Variants in CCPG1 observed in about 807,000 individuals in gnomAD.
The protein encoded by CCPG1 is cell cycle progression 1, also known as cell cycle progression protein 1.
Under a neutral mutation model 81.3 loss-of-function variants are expected in CCPG1, and 46 were observed. The ratio of observed to expected loss-of-function variants is 0.57; its 90% CI spans 0.45 to 0.72. The LOEUF (loss-of-function observed/expected upper bound fraction) is 0.72, where lower values mean the gene tolerates loss of function less well. Among genes scored for constraint, CCPG1 ranks in the 30% least tolerant of loss-of-function variants. The pLI, the probability that CCPG1 is intolerant of heterozygous loss-of-function variation, is 0.00. For synonymous variants in CCPG1, 330 were observed against 305.2 expected, an observed-to-expected ratio of 1.08 and a Z score of -0.85; for missense variants, 902 against 937.6, an observed-to-expected ratio of 0.96 and a Z score of 0.50.
chr15:55,384,472 C>A (rs979883549), intron 3 of CCPG1, among the ~76,000 whole-genome samples: 2 of 152,084 alleles, frequency 1.3e-5, no homozygotes, highest in African/African-American at 4.8e-5. Context: ...CCAGGCTAAC[C>A]AACATGATGA....
intron 6 of CCPG1, 132 bp downstream of exon 6, chr15:55,371,661 C>T: frequency 2.3e-6 from 2 of 853,604 alleles, no homozygotes; most frequent in Non-Finnish European, 3.5e-6. Context: ...AAAACTGAGG[C>T]TCAAACAGGC....
chr15:55,371,010 G>A (rs1223735999), intron 6 of CCPG1, among the ~76,000 whole-genome samples: 10 of 152,098 alleles, frequency 6.6e-5, no homozygotes, highest in Admixed American at 6.6e-4. Flanking sequence ...TTACTCCGGA[G>A]GCTGAGGTAG....
chr15:55,358,225 G>C, intron 8 of CCPG1: 2 of 319,826 alleles, frequency 6.3e-6, no homozygotes, highest in Non-Finnish European at 9.0e-6. Flanking sequence ...AAGATCTATA[G>C]TAAGAACAAA....
chr15:55,377,182 TCAA>T (rs2056584203), intron 4 of CCPG1, 32 bp from the exon 5 acceptor site: 1 of 1,473,068 alleles, frequency 6.8e-7, no homozygotes. Context: ...GATGGTAAGT[TCAA>T]CAATCATTTA....
chr15:55,393,305 T>TGGCC (rs2056958426), intron 1 of CCPG1, among the ~76,000 whole-genome samples: 1 of 152,022 alleles, frequency 6.6e-6, no homozygotes, highest in African/African-American at 2.4e-5. Context: ...CAGGACATGG[T>TGGCC]GGCCCACACC....
intron 1 of CCPG1, among the ~76,000 whole-genome samples, chr15:55,394,883 C>CCTG (rs1315000042): frequency 3.9e-5 from 6 of 152,088 alleles, no homozygotes; most frequent in Non-Finnish European, 7.4e-5. Context: ...TAACTGACCA[C>CCTG]CTGCTGCCTG....
chr15:55,378,758 G>A (rs1018375124), intron 3 of CCPG1, among the ~76,000 whole-genome samples: 11 of 151,664 alleles, frequency 7.3e-5, no homozygotes, highest in African/African-American at 2.2e-4. Flanking sequence ...CATACGCCAC[G>A]GCTAATTTTT....
chr15:55,403,912 C>T lies in CCPG1; in HGVS notation c.-10+4309G>A, dbSNP rs1333373595. On this transcript the variant is annotated intron_variant, in intron 1 of 8. Transcript: ENST00000442196. ...ATGTTCTTAACATGTTCAAAAACTACTACTTCCATGATTTTAGCAGTTCAT... is the reference window on the plus strand; with the variant it reads ...ATGTTCTTAACATGTTCAAAAACTATTACTTCCATGATTTTAGCAGTTCAT... Among the ~76,000 whole-genome samples the T allele has an allele frequency of 2.6e-5, 4 of 152,216 alleles. No individual in the cohort carries two copies. The South Asian group carries it at 6.2e-4, about 24-fold the overall frequency.
At chr15:55,393,235 G>A (rs1330389550) in intron 1 of CCPG1, among the ~76,000 whole-genome samples, 2 of 152,180 alleles carry the variant, frequency 1.3e-5, no homozygotes, top group African/African-American at 2.4e-5. Flanking sequence ...AGGCGTTCAA[G>A]ACCAGGCTGG....
chr15:55,358,711 T>G (rs760320904), intron 8 of CCPG1: 1 of 985,452 alleles, frequency 1.0e-6, no homozygotes, highest in Non-Finnish European at 1.2e-6. Flanking sequence ...TTAATTTCAT[T>G]TATTTACTTA....
At position 55,365,843 on chromosome 15, in the gene CCPG1, G is replaced by A. The variant is rs367890280; in HGVS notation, c.707-534C>T. ...ACAGTGGCTCACGCCTGTAATCCCA[G>A]CACATTGGGAGGCCAAGGCAGGTAG... On this transcript the variant is annotated intron_variant, in intron 6 of 8. Transcript: ENST00000442196. Among the ~76,000 whole-genome samples, 294 of 151,994 alleles carry A rather than the reference G, an allele frequency of 1.9e-3. 1 individual carries two copies. The highest frequency in any genetic ancestry group is 6.8e-3 in the Middle Eastern group (2 of 292).
At chr15:55,357,520 G>T in intron 8 of CCPG1, 1 of 752,390 alleles carries the variant, frequency 1.3e-6, no homozygotes. Context: ...GTCAACTGTG[G>T]TCTGAAAATG....
chr15:55,361,978 C>G (rs1304056782), intron 7 of CCPG1, among the ~76,000 whole-genome samples: 1 of 152,098 alleles, frequency 6.6e-6, no homozygotes, highest in Non-Finnish European at 1.5e-5. Context: ...GTAATCTGTA[C>G]AGATTAATAT....
chr15:55,365,405 G>A, intron 6 of CCPG1, 96 bp from the exon 7 acceptor site: 2 of 662,784 alleles, frequency 3.0e-6, no homozygotes, highest in Non-Finnish European at 5.0e-6. Context: ...TATAAGCTAT[G>A]TAGTCTTTTT....
At chr15:55,373,729 A>G (rs1347510082) in intron 5 of CCPG1, among the ~76,000 whole-genome samples, 1 of 152,230 alleles carries the variant, frequency 6.6e-6, no homozygotes, top group Non-Finnish European at 1.5e-5. Context: ...TGGTTAGAGT[A>G]TTTAAGTCAG....
chr15:55,386,168 T>C lies in CCPG1; in HGVS notation c.61-454A>G, dbSNP rs1278149024. 4.0e-5 allele frequency among the ~76,000 whole-genome samples: 5 copies of C among 123,614 alleles called. No individual in the cohort carries two copies. The East Asian group carries it at 1.1e-3, about 28-fold the overall frequency. The allele number at this position is 123,614 out of a possible 152,430, so 81.1% of individuals were successfully genotyped here. ...ACTTTGGGAGGCTGAGGCCGGTGGA[T>C]CACAAAAAAAGCAAAATTCCGTCTC... On this transcript the variant is annotated intron_variant, in intron 2 of 8. Coordinates refer to ENST00000442196, the MANE Select transcript of CCPG1 (RefSeq NM_001204450.2).
rs1418295536 is a variant in CCPG1, at chr15:55,355,995, C to G, written c.*225G>C. The G allele has an allele frequency of 2.0e-6, 1 of 500,348 alleles. No homozygotes were observed. Among genetic ancestry groups the G allele is most frequent in the African/African-American group, 2.0e-5 (1 of 49,348 alleles). The allele number at this position is 500,348 out of a possible 1,614,324, so 31.0% of individuals were successfully genotyped here. On this transcript the variant is annotated 3_prime_UTR_variant, in exon 9 of 9. Transcript: ENST00000442196. The stretch of plus-strand genomic sequence containing the variant: ...CTTCCTTAATAAAACTACAGTTGAA[C>G]ATTTCCAGTGTCAAAAAAAATTCAA...
At position 55,359,929 on chromosome 15, in the gene CCPG1, C is replaced by G; in HGVS notation, c.1844G>C (p.Gly615Ala). ...KNTNSKKCSP[G>A]HDCRENSHSF... Reference sequence around the variant, plus strand: ...ATGAGAATTTTCTCTACAATCATGCCCAGGACTGCATTTCTTTGAATTTGT... The same window carrying G: ...ATGAGAATTTTCTCTACAATCATGCGCAGGACTGCATTTCTTTGAATTTGT... Residue 615 changes from glycine to alanine, a missense_variant, in exon 8 of 9, where the codon GGG (glycine) becomes GCG (alanine). Physicochemically the swap from Gly to Ala is moderately conservative, Grantham distance 60 (BLOSUM62 0). Coordinates refer to ENST00000442196, the MANE Select transcript of CCPG1 (RefSeq NM_001204450.2). 1 of 1,613,594 alleles carries G rather than the reference C, an allele frequency of 6.2e-7. No individual in the cohort carries two copies. The highest frequency in any genetic ancestry group is 8.5e-7 in the Non-Finnish European group (1 of 1,179,948).
At position 55,385,587 on chromosome 15, in the gene CCPG1, G is replaced by A; in HGVS notation, c.175+13C>T. 7.2e-7 allele frequency: 1 copy of A among 1,385,520 alleles called. No homozygotes were observed. The highest frequency in any genetic ancestry group is 1.3e-5 in the South Asian group (1 of 79,120). 85.8% of individuals were successfully genotyped at this position (1,385,520 alleles called of 1,614,324 possible). A position where few individuals can be genotyped will look rare whatever the true frequency, so the allele number is the denominator to read the frequency against. ...CATATTAAAAAAAAAATTAGAATTT[G>A]TGAACAACTTACCTCCTTGCTCTAT... On this transcript the variant is annotated intron_variant, in intron 3 of 8. Coordinates refer to ENST00000442196, the MANE Select transcript of CCPG1 (RefSeq NM_001204450.2).
Sources: allele counts gnomAD v4.1 joint callset (sites outside exome capture counted in the v4.1 genomes callset), GRCh38; gene constraint gnomAD v4.1.1; transcripts MANE v1.5; gene names NCBI Gene and HGNC (gene_info 2026-07-23, HGNC 2026-07-21).